Variants in EVI5 observed in about 807,000 individuals in gnomAD.
EVI5 encodes the protein ecotropic viral integration site 5, also known as ecotropic viral integration site 5 protein homolog.
Under a neutral mutation model 112.0 loss-of-function variants are expected in EVI5, and 73 were observed. The ratio of observed to expected loss-of-function variants is 0.65; its 90% CI spans 0.54 to 0.79. EVI5 has a LOEUF of 0.79. Among genes scored for constraint, EVI5 ranks in the 30% least tolerant of loss-of-function variants. EVI5 has a pLI of 0.00. For missense variants in EVI5, 900 were observed against 968.8 expected (o/e 0.93, Z 0.94); for synonymous variants, 305 against 319.9 (o/e 0.95, Z 0.50).
chr1:92,666,324 G>A (rs1215781682), intron 10 of EVI5, among the ~76,000 whole-genome samples: 1 of 151,762 alleles, frequency 6.6e-6, no homozygotes, highest in Non-Finnish European at 1.5e-5. Flanking sequence ...TGGTGGTGAT[G>A]AGCCTGGGCA....
At chr1:92,552,511 G>C (rs556321184) in intron 19 of EVI5, among the ~76,000 whole-genome samples, 1 of 152,210 alleles carries the variant, frequency 6.6e-6, no homozygotes, top group African/African-American at 2.4e-5. Context: ...TCTTCTCATT[G>C]TGTCTAGGAC....
At chr1:92,547,229 A>G (rs1366207433) in intron 19 of EVI5, among the ~76,000 whole-genome samples, 1 of 152,224 alleles carries the variant, frequency 6.6e-6, no homozygotes, top group African/African-American at 2.4e-5. Flanking sequence ...GAAACTGAAC[A>G]ACCTGCTCCT....
rs898683624 is a variant in EVI5 at position 92,673,572 on chromosome 1, T to A, written c.1158+3586A>T. Among the ~76,000 whole-genome samples, 16 of 152,280 alleles carry A rather than the reference T, an allele frequency of 1.1e-4. No homozygotes were observed. In the East Asian group the frequency reaches 2.3e-3, roughly 22 times the overall value. On this transcript the variant is annotated intron_variant, in intron 10 of 19. Transcript: ENST00000684568. ...GTCTCAAACTCCTGGGCTCAAGTGATCTGCCTGCCTCGGCCTCCCAAAGTG... is the reference window on the plus strand; with the variant it reads ...GTCTCAAACTCCTGGGCTCAAGTGAACTGCCTGCCTCGGCCTCCCAAAGTG...
At chr1:92,784,698 C>A in intron 1 of EVI5, 138 bp downstream of exon 1, 1 of 542,686 alleles carries the variant, frequency 1.8e-6, no homozygotes, top group Non-Finnish European at 2.4e-6. Context: ...CGGGGCCAGG[C>A]GCGCCCGCCC....
chr1:92,583,854 C>T (rs898551725), intron 18 of EVI5, among the ~76,000 whole-genome samples: 1 of 151,544 alleles, frequency 6.6e-6, no homozygotes, highest in Non-Finnish European at 1.5e-5. Context: ...TATATTTTAA[C>T]ATTTTACTCC....
chr1:92,623,363 A>C (rs181715239), intron 16 of EVI5, among the ~76,000 whole-genome samples: 1 of 152,326 alleles, frequency 6.6e-6, no homozygotes, highest in Non-Finnish European at 1.5e-5. Context: ...TGGAATACAG[A>C]ATGATGTATG....
intron 19 of EVI5, among the ~76,000 whole-genome samples, chr1:92,547,613 GA>G (rs1250316241): frequency 6.6e-6 from 1 of 152,032 alleles, no homozygotes; most frequent in Non-Finnish European, 1.5e-5. Flanking sequence ...GACTAATAAA[GA>G]AGAAAAGAGA....
At chr1:92,715,379 A>T (rs1341574016) in intron 2 of EVI5, among the ~76,000 whole-genome samples, 1 of 152,182 alleles carries the variant, frequency 6.6e-6, no homozygotes, top group East Asian at 1.9e-4. Flanking sequence ...ATTTTTTAGT[A>T]CTTCCACACA....
intron 9 of EVI5, among the ~76,000 whole-genome samples, chr1:92,681,304 C>G (rs1572264653): frequency 6.6e-6 from 1 of 152,094 alleles, no homozygotes; most frequent in African/African-American, 2.4e-5. Flanking sequence ...TCAAATGGAC[C>G]TCCCCCAAAA....
At chr1:92,740,850 G>A (rs1678261003) in intron 1 of EVI5, among the ~76,000 whole-genome samples, 1 of 152,116 alleles carries the variant, frequency 6.6e-6, no homozygotes, top group African/African-American at 2.4e-5. Context: ...TTTGTTAATT[G>A]TATGGCAGTC....
At position 92,619,303 on chromosome 1, in the gene EVI5, T is replaced by A. The variant is rs530552139; in HGVS notation, c.1827+4873A>T. 2.0e-5 allele frequency among the ~76,000 whole-genome samples: 3 copies of A among 152,224 alleles called. No homozygotes were observed. The East Asian group carries it at 5.8e-4, about 29-fold the overall frequency. ...TGGCCCAGCCTATATCTTTCCCCCATCCTGGATGCTTCCTGTCCTTGAACA... is the reference window on the plus strand; with the variant it reads ...TGGCCCAGCCTATATCTTTCCCCCAACCTGGATGCTTCCTGTCCTTGAACA... On this transcript the variant is annotated intron_variant, in intron 16 of 19. Transcript: ENST00000684568.
chr1:92,608,591 G>A (rs1197456394), intron 16 of EVI5, among the ~76,000 whole-genome samples: 1 of 151,882 alleles, frequency 6.6e-6, no homozygotes, highest in African/African-American at 2.4e-5. Flanking sequence ...ATAATCCCAG[G>A]TACTTGGGAG....
At chr1:92,643,389 C>T (rs1660360845) in intron 13 of EVI5, among the ~76,000 whole-genome samples, 1 of 150,986 alleles carries the variant, frequency 6.6e-6, no homozygotes. Context: ...AGTGATCCTC[C>T]CACCTCAGCC....
At chr1:92,607,459 A>C in intron 17 of EVI5, 122 bp downstream of exon 17, 4 of 676,684 alleles carry the variant, frequency 5.9e-6, no homozygotes, top group Non-Finnish European at 8.9e-6. Context: ...AGTTCAGGAA[A>C]AGTAGAAAAT....
intron 19 of EVI5, among the ~76,000 whole-genome samples, chr1:92,514,562 T>C (rs1218860919): frequency 6.6e-6 from 1 of 152,192 alleles, no homozygotes; most frequent in Non-Finnish European, 1.5e-5. Flanking sequence ...AAGAGTAACT[T>C]GCTAAGGACA....
At chr1:92,635,028 C>T (rs1018262062) in intron 14 of EVI5, among the ~76,000 whole-genome samples, 7 of 152,176 alleles carry the variant, frequency 4.6e-5, no homozygotes, top group African/African-American at 1.2e-4. Flanking sequence ...GCTGCCTGAT[C>T]GTTCCTCTGG....
intron 1 of EVI5, among the ~76,000 whole-genome samples, chr1:92,760,914 C>T (rs1227257265): frequency 6.6e-6 from 1 of 151,250 alleles, no homozygotes; most frequent in Admixed American, 6.6e-5. Flanking sequence ...AAAAATTAAA[C>T]GGGCGTGGTG....
At chr1:92,681,385 T>C (rs2102355125) in intron 9 of EVI5, among the ~76,000 whole-genome samples, 1 of 152,216 alleles carries the variant, frequency 6.6e-6, no homozygotes, top group South Asian at 2.1e-4. Context: ...ATAAAGCAAA[T>C]GGGATGAAAT....
At chr1:92,687,355 G>GATA (rs1487393996) in intron 9 of EVI5, among the ~76,000 whole-genome samples, 16 of 151,910 alleles carry the variant, frequency 1.1e-4, no homozygotes, top group Non-Finnish European at 2.1e-4. Context: ...AGCTGAAACT[G>GATA]GATCCCTTCC....
Sources: gnomAD v4.1 joint callset for allele counts (sites outside exome capture counted in the v4.1 genomes callset) on GRCh38, gnomAD v4.1.1 for gene constraint, MANE v1.5 for transcripts, NCBI Gene and HGNC (gene_info 2026-07-23, HGNC 2026-07-21) for gene names.